The following CBFB variants were observed in gnomAD, a reference collection of about 807,000 sequenced individuals.
CBFB encodes CBF-beta.
Under a neutral mutation model 30.4 loss-of-function variants are expected in CBFB, and 9 were observed. The ratio of observed to expected loss-of-function variants is 0.30; its 90% CI spans 0.18 to 0.52. The LOEUF (loss-of-function observed/expected upper bound fraction) is 0.52. Ranked by LOEUF, CBFB falls within the 20% of genes least tolerant of loss-of-function variation. The probability of loss-of-function intolerance (pLI) is 0.97; values close to 1 mark genes in which losing one functional copy is unlikely to be tolerated. For synonymous variants in CBFB, 94 were observed against 84.0 expected (o/e 1.12, Z -0.65); for missense variants, 170 against 244.0 (o/e 0.70, Z 2.02).
At chr16:67,038,450 T>G (rs1966479756) in intron 3 of CBFB, among the ~76,000 whole-genome samples, 1 of 151,972 alleles carries the variant, frequency 6.6e-6, no homozygotes, top group African/African-American at 2.4e-5. Flanking sequence ...GATTTGATCT[T>G]TTGTGCGTGA....
chr16:67,040,781 T>C (rs1176680801), intron 3 of CBFB, among the ~76,000 whole-genome samples: 22 of 152,004 alleles, frequency 1.4e-4, no homozygotes, highest in Non-Finnish European at 8.8e-5. Context: ...GAACAGGAAG[T>C]TTGCAGTTTT....
chr16:67,060,144 AT>A (rs1960860142), intron 3 of CBFB, among the ~76,000 whole-genome samples: 1 of 151,890 alleles, frequency 6.6e-6, no homozygotes, highest in East Asian at 1.9e-4. Context: ...CACCTGGCTA[AT>A]TTTTTAAAAT....
At chr16:67,079,472 C>CTGGTATA (rs1177723381) in intron 4 of CBFB, among the ~76,000 whole-genome samples, 1 of 149,704 alleles carries the variant, frequency 6.7e-6, no homozygotes, top group Non-Finnish European at 1.5e-5. Flanking sequence ...CAGTCCAGGC[C>CTGGTATA]TGGTATAGCA....
At chr16:67,038,015 G>A (rs953344768) in intron 3 of CBFB, among the ~76,000 whole-genome samples, 1 of 151,956 alleles carries the variant, frequency 6.6e-6, no homozygotes, top group Non-Finnish European at 1.5e-5. Flanking sequence ...ATTCTTGATT[G>A]AGAAGTCAAG....
At chr16:67,095,326 G>A (rs1962013017) in intron 5 of CBFB, among the ~76,000 whole-genome samples, 1 of 151,474 alleles carries the variant, frequency 6.6e-6, no homozygotes, top group Non-Finnish European at 1.5e-5. Context: ...AGACCATCCT[G>A]GCTAACATGG....
In CBFB at chr16:67,051,754, T is replaced by G. The variant is rs185913444; in HGVS notation, c.283-14928T>G. Among the ~76,000 whole-genome samples the G allele has an allele frequency of 6.1e-4, 81 of 132,820 alleles. No homozygotes were observed. The South Asian group carries it at 6.7e-3, about 11-fold the overall frequency. The allele number at this position is 132,820 out of a possible 152,430, so 87.1% of individuals were successfully genotyped here. ...ATATGATTTTGGTGTTTTTTTTGTG[T>G]TTTTTTTTTTCTGAGTTGGAGTCTC... On this transcript the variant is annotated intron_variant, in intron 3 of 5. Transcript: ENST00000412916.
At chr16:67,076,721 A>G (rs1438707057) in intron 4 of CBFB, among the ~76,000 whole-genome samples, 1 of 152,188 alleles carries the variant, frequency 6.6e-6, no homozygotes, top group Non-Finnish European at 1.5e-5. Flanking sequence ...AGCTTGAAAA[A>G]TATGAAGATT....
chr16:67,050,185 G>GATATATATAATATATGTT (rs1555535748), intron 3 of CBFB, among the ~76,000 whole-genome samples: 2 of 145,662 alleles, frequency 1.4e-5, no homozygotes, highest in African/African-American at 5.0e-5. Context: ...AATTATATGT[G>GATATATATAATATATGTT]ATATATATAA....
chr16:67,058,436 C>T lies in CBFB; in HGVS notation c.283-8246C>T, dbSNP rs544855478. Among the ~76,000 whole-genome samples the T allele has an allele frequency of 1.3e-3, 199 of 152,252 alleles. 1 individual carries two copies. The highest frequency in any genetic ancestry group is 9.3e-3 in the East Asian group (48 of 5,184). ...GATCACAGGCGTGAACCACCACGCC[C>T]GACCAACAGTTCTTTTTTTATATAT... On this transcript the variant is annotated intron_variant, in intron 3 of 5. Coordinates refer to ENST00000412916, the MANE Select transcript of CBFB (RefSeq NM_022845.3).
At chr16:67,072,686 C>A (rs1037256844) in intron 4 of CBFB, among the ~76,000 whole-genome samples, 4 of 151,720 alleles carry the variant, frequency 2.6e-5, no homozygotes, top group Admixed American at 2.6e-4. Flanking sequence ...GGCTGGTCTT[C>A]AACTCCTGAC....
At chr16:67,050,773 A>T (rs777049874) in intron 3 of CBFB, among the ~76,000 whole-genome samples, 10 of 152,218 alleles carry the variant, frequency 6.6e-5, no homozygotes, top group Non-Finnish European at 1.2e-4. Context: ...AGCCTGGGCA[A>T]TAGAGCAAAA....
intron 5 of CBFB, among the ~76,000 whole-genome samples, chr16:67,097,929 A>G (rs952211169): frequency 3.3e-5 from 5 of 152,154 alleles, no homozygotes; most frequent in African/African-American, 1.2e-4. Context: ...ACATAGCAAG[A>G]CCCCATCTCT....
chr16:67,082,280 G>A lies in CBFB; in HGVS notation c.467G>A (p.Arg156Lys), dbSNP rs367668600. ...ARRRTREFED[R>K]DRSHREEMEA... ...AGAAGGACACGCGAATTTGAAGATA[G>A]AGACAGGTCTCATCGGGAGGAAATG... Residue 156 changes from arginine to lysine, a missense_variant, in exon 5 of 6, where the codon AGA becomes AAA. Coordinates refer to ENST00000412916, the MANE Select transcript of CBFB (RefSeq NM_022845.3). 4.3e-6 allele frequency: 7 copies of A among 1,612,346 alleles called. No homozygotes were observed. In the East Asian group the frequency reaches 1.6e-4, roughly 36 times the overall value.
intron 3 of CBFB, among the ~76,000 whole-genome samples, chr16:67,063,648 GTCCCAGCT>G (rs1960972491): frequency 6.6e-6 from 1 of 152,048 alleles, no homozygotes; most frequent in African/African-American, 2.4e-5. Context: ...TCATCATGTT[GTCCCAGCT>G]GATCTTGAAC....
At chr16:67,071,124 T>A (rs1463878602) in intron 4 of CBFB, among the ~76,000 whole-genome samples, 1 of 152,120 alleles carries the variant, frequency 6.6e-6, no homozygotes, top group Non-Finnish European at 1.5e-5. Context: ...AGTACTTCCC[T>A]GTAGCTCCCC....
At position 67,055,088 on chromosome 16, in the gene CBFB, A is replaced by G. The variant is rs553147446; in HGVS notation, c.283-11594A>G. ...GATTTTTACTGCTTTACATCACTTC[A>G]GAGGAAATGGCTGCAACTGAAGGGT... On this transcript the variant is annotated intron_variant, in intron 3 of 5. Transcript: ENST00000412916. 2.4e-4 allele frequency among the ~76,000 whole-genome samples: 36 copies of G among 152,150 alleles called. No homozygotes were observed. In the South Asian group the frequency reaches 6.6e-3, roughly 28 times the overall value.
chr16:67,049,813 G>A (rs571289835), intron 3 of CBFB, among the ~76,000 whole-genome samples: 1 of 152,066 alleles, frequency 6.6e-6, no homozygotes, highest in East Asian at 1.9e-4. Context: ...CACTACCACC[G>A]GACACTGTGC....
intron 4 of CBFB, among the ~76,000 whole-genome samples, chr16:67,072,928 G>C (rs1273275839): frequency 6.6e-6 from 1 of 151,968 alleles, no homozygotes; most frequent in Non-Finnish European, 1.5e-5. Context: ...GGCCAGGCTG[G>C]TCTTGAATTG....
intron 4 of CBFB, among the ~76,000 whole-genome samples, chr16:67,070,763 A>G (rs1307885619): frequency 6.6e-6 from 1 of 151,976 alleles, no homozygotes; most frequent in African/African-American, 2.4e-5. Flanking sequence ...AGGTGGGATG[A>G]TTGCTTGAAC....
Sources: allele counts gnomAD v4.1 joint callset (sites outside exome capture counted in the v4.1 genomes callset), GRCh38; gene constraint gnomAD v4.1.1; transcripts MANE v1.5; gene names NCBI Gene and HGNC (gene_info 2026-07-23, HGNC 2026-07-21).